The following BNIP5 variants were observed in gnomAD, a reference collection of about 807,000 sequenced individuals.
BNIP5 encodes the protein BCL2 interacting protein 5, also known as protein BNIP5.
A neutral mutation model predicts 67.3 loss-of-function variants in BNIP5; 61 were observed. The ratio of observed to expected loss-of-function variants is 0.91; its 90% confidence interval spans 0.74 to 1.12. The LOEUF is 1.12. Ranked by LOEUF, BNIP5 falls within the 50% of genes most tolerant of loss-of-function variation. The pLI is 0.00. For synonymous variants in BNIP5, 317 were observed against 319.0 expected (o/e 0.99, Z 0.07); for missense variants, 826 against 816.3 (o/e 1.01, Z -0.14).
chr6:36,322,106 G>A (rs927388765), intron 9 of BNIP5, among the ~76,000 whole-genome samples: 1 of 152,150 alleles, frequency 6.6e-6, no homozygotes, highest in Non-Finnish European at 1.5e-5. Context: ...GGATAGACAG[G>A]TGTCCTCTAC....
At chr6:36,323,217 C>G in intron 8 of BNIP5, 76 bp downstream of exon 8, 6 of 1,592,676 alleles carry the variant, frequency 3.8e-6, no homozygotes, top group East Asian at 2.2e-5. Context: ...GCCAGCCTGT[C>G]AACGACAGAC....
Position 36,327,075 on chromosome 6 carries a change from CA to C in BNIP5, c.746del (p.Met249ArgfsTer2), listed in dbSNP as rs1252568965. The C allele has an allele frequency of 3.1e-6, 5 of 1,614,140 alleles. No homozygotes were observed. Among genetic ancestry groups the C allele is most frequent in the Non-Finnish European group, 4.2e-6 (5 of 1,179,970 alleles). On this transcript the variant is annotated frameshift_variant, in exon 4 of 12. Transcript: ENST00000437635. LOFTEE classifies it high-confidence loss of function. ...CCACTCTTTTGAGCAATTCCACTAT[CA>C]TCTGAATGATAGCATCCTCTGGAAG... ...KKPDQDAIIQ[M>X]IVELLKRVGD...
At chr6:36,331,876 C>G (rs1194074005) in intron 1 of BNIP5, among the ~76,000 whole-genome samples, 1 of 152,000 alleles carries the variant, frequency 6.6e-6, no homozygotes, top group African/African-American at 2.4e-5. Flanking sequence ...AGCCTGTTGG[C>G]CTCACTCTCA....
rs1427990567 is a variant in BNIP5 at position 36,316,560 on chromosome 6, A to G, written c.*796T>C. 1.5e-5 allele frequency: 6 copies of G among 398,636 alleles called. No individual in the cohort carries two copies. The highest frequency in any genetic ancestry group is 2.7e-5 in the Non-Finnish European group (6 of 226,152). 24.7% of individuals were successfully genotyped at this position (398,636 alleles called of 1,614,324 possible). On this transcript the variant is annotated 3_prime_UTR_variant, in exon 12 of 12. Coordinates refer to ENST00000437635, the MANE Select transcript of BNIP5 (RefSeq NM_001010903.5). Reference sequence around the variant, plus strand: ...GCAGTGCACCCCTGTGCAACAATCCATGGCAGTCCAGCCCATTGAAGCCCT... The same window carrying G: ...GCAGTGCACCCCTGTGCAACAATCCGTGGCAGTCCAGCCCATTGAAGCCCT...
chr6:36,331,010 T>C (rs1157258474), intron 1 of BNIP5, among the ~76,000 whole-genome samples: 2 of 152,128 alleles, frequency 1.3e-5, no homozygotes, highest in Non-Finnish European at 1.5e-5. Context: ...GTGATCCGCC[T>C]GCCTCGGCCT....
At chr6:36,321,862 C>T (rs1316261598) in intron 9 of BNIP5, among the ~76,000 whole-genome samples, 2 of 152,188 alleles carry the variant, frequency 1.3e-5, no homozygotes, top group Admixed American at 6.5e-5. Flanking sequence ...CACACACCAC[C>T]ATGCCAGGCT....
chr6:36,325,161 T>C, intron 6 of BNIP5, 122 bp downstream of exon 6: 1 of 1,095,348 alleles, frequency 9.1e-7, no homozygotes, highest in Non-Finnish European at 1.4e-6. Context: ...CCCAGCCTGC[T>C]GTACTCAGAG....
chr6:36,319,533 C>T lies in BNIP5; in HGVS notation c.1746G>A (p.Leu582=). Reference sequence around the variant, plus strand: ...TAGAGGAGTGAGCCACCTGGCTGCGCAGGGTGGCTACCAGCTTGCTGAGGG... The same window carrying T: ...TAGAGGAGTGAGCCACCTGGCTGCGTAGGGTGGCTACCAGCTTGCTGAGGG... ...DSSLSKLVAT[L]RSQVAHSSKL... Residue 582 remains leucine, a synonymous_variant, in exon 11 of 12, where the codon CTG becomes CTA. Transcript: ENST00000437635. 6.2e-7 allele frequency: 1 copy of T among 1,614,158 alleles called. No individual in the cohort carries two copies. Among genetic ancestry groups the T allele is most frequent in the Non-Finnish European group, 8.5e-7 (1 of 1,180,014 alleles).
At position 36,330,401 on chromosome 6, in the gene BNIP5, T is replaced by A; in HGVS notation, c.290A>T (p.Lys97Met). Residue 97 changes from lysine to methionine, a missense_variant, in exon 2 of 12, where the codon AAG becomes ATG. Transcript: ENST00000437635. The part of the protein sequence containing the change: ...SEQRPSQDTK[K>M]GWLKTMLNFF... ...GTTCAGCATGGTCTTCAGCCACCCC[T>A]TCTTGGTGTCTTGCGAAGGCCTCTG... The A allele has an allele frequency of 6.2e-7, 1 of 1,614,160 alleles. No homozygotes were observed. Among genetic ancestry groups the A allele is most frequent in the Non-Finnish European group, 8.5e-7 (1 of 1,180,020 alleles).
intron 1 of BNIP5, among the ~76,000 whole-genome samples, chr6:36,334,954 G>C (rs184574787): frequency 6.6e-6 from 1 of 152,340 alleles, no homozygotes. Context: ...AGCTGATCTT[G>C]TAAACTTGTT....
At chr6:36,319,098 T>C (rs948106324) in intron 11 of BNIP5, among the ~76,000 whole-genome samples, 1 of 152,188 alleles carries the variant, frequency 6.6e-6, no homozygotes, top group African/African-American at 2.4e-5. Context: ...GAAATGTACA[T>C]GTAATTGAAG....
chr6:36,330,112 G>GGAGC lies in BNIP5; in HGVS notation c.575_578dup (p.Gly194LeufsTer5), dbSNP rs763083517. ...GAGCTGGGCCCAGGTCAGCCTCCCC[G>GGAGC]GAGCGCAAGGCAGCAGCTGCCTTGG... On this transcript the variant is annotated frameshift_variant, in exon 2 of 12. Coordinates refer to ENST00000437635, the MANE Select transcript of BNIP5 (RefSeq NM_001010903.5). LOFTEE classifies it high-confidence loss of function. 1 of 1,610,082 alleles carries GGAGC rather than the reference G, an allele frequency of 6.2e-7. No individual in the cohort carries two copies. Among genetic ancestry groups the GGAGC allele is most frequent in the East Asian group, 2.2e-5 (1 of 44,852 alleles).
intron 1 of BNIP5, among the ~76,000 whole-genome samples, chr6:36,335,776 G>A (rs1032031098): frequency 7.2e-5 from 11 of 152,156 alleles, no homozygotes; most frequent in African/African-American, 2.7e-4. Flanking sequence ...TAAGAGACAC[G>A]CCCAAGGTCA....
intron 6 of BNIP5, 121 bp downstream of exon 6, chr6:36,325,162 G>A: frequency 9.0e-7 from 1 of 1,106,288 alleles, no homozygotes; most frequent in Non-Finnish European, 1.3e-6. Context: ...CCAGCCTGCT[G>A]TACTCAGAGG....
At chr6:36,319,721 T>C in intron 10 of BNIP5, 111 bp from the exon 11 acceptor site, 1 of 1,259,718 alleles carries the variant, frequency 7.9e-7, no homozygotes, top group East Asian at 2.3e-5. Flanking sequence ...GTCCCTGGGA[T>C]GAGCTCCCCT....
In BNIP5 at chr6:36,326,943, C is replaced by T. The variant is rs539455859; in HGVS notation, c.792+87G>A. The T allele has an allele frequency of 1.4e-3, 1,977 of 1,430,524 alleles. 5 individuals carry two copies. Among genetic ancestry groups the T allele is most frequent in the Non-Finnish European group, 1.5e-3 (1,521 of 1,012,982 alleles). 88.6% of individuals were successfully genotyped at this position (1,430,524 alleles called of 1,614,324 possible). ...CTTCAGGGAAGGAATGGACTAGAGC[C>T]CGGCCTGCAAGGACAGGTGGAGCTT... is the stretch of plus-strand genomic sequence containing the variant. On this transcript the variant is annotated intron_variant, in intron 4 of 11. Coordinates refer to ENST00000437635, the MANE Select transcript of BNIP5 (RefSeq NM_001010903.5).
At position 36,330,099 on chromosome 6, in the gene BNIP5, G is replaced by T. The variant is rs758231272; in HGVS notation, c.592C>A (p.Leu198Met). ...AAALRSGEAD[L>M]GPARRGGEDS... ...CGCTCACCCCTGCGAGCTGGGCCCA[G>T]GTCAGCCTCCCCGGAGCGCAAGGCA... The change falls in exon 2 of 12, where the codon CTG (leucine) becomes ATG (methionine). Residue 198 changes from leucine to methionine, a missense_variant. By Grantham distance (15) the Leu-to-Met change is conservative (BLOSUM62 2). Transcript: ENST00000437635. 27 of 1,606,948 alleles carry T rather than the reference G, an allele frequency of 1.7e-5. No homozygotes were observed. Among genetic ancestry groups the T allele is most frequent in the Non-Finnish European group, 2.2e-5 (26 of 1,179,176 alleles).
chr6:36,319,217 G>A lies in BNIP5; in HGVS notation c.1923+139C>T, dbSNP rs556333521. 6 of 879,180 alleles carry A rather than the reference G, an allele frequency of 6.8e-6. No homozygotes were observed. In the South Asian group the frequency reaches 1.0e-4, roughly 15 times the overall value. 54.5% of individuals were successfully genotyped at this position (879,180 alleles called of 1,614,324 possible). ...TTGTCTCAGAAGGCCTCAGTGAGGA[G>A]GTGACATTTGAGATAGACCCAAAAA... On this transcript the variant is annotated intron_variant, in intron 11 of 11. Coordinates refer to ENST00000437635, the MANE Select transcript of BNIP5 (RefSeq NM_001010903.5).
In BNIP5 at chr6:36,316,620, T is replaced by C. The variant is rs1334559567; in HGVS notation, c.*736A>G. 5 of 398,640 alleles carry C rather than the reference T, an allele frequency of 1.3e-5. No homozygotes were observed. The East Asian group carries it at 1.4e-4, about 11-fold the overall frequency. 24.7% of individuals were successfully genotyped at this position (398,640 alleles called of 1,614,324 possible). ...CCTGAAAACTACCCAAAAGAAGCTA[T>C]AGTGCCTACATGGACATGGCACTAG... On this transcript the variant is annotated 3_prime_UTR_variant, in exon 12 of 12. Coordinates refer to ENST00000437635, the MANE Select transcript of BNIP5 (RefSeq NM_001010903.5).
Sources: gnomAD v4.1 joint callset for allele counts (sites outside exome capture counted in the v4.1 genomes callset) on GRCh38, gnomAD v4.1.1 for gene constraint, MANE v1.5 for transcripts, NCBI Gene and HGNC (gene_info 2026-07-23, HGNC 2026-07-21) for gene names.